FAM171B: variants seen among roughly 807,000 people sequenced by gnomAD.
The protein encoded by FAM171B is protein FAM171B.
A neutral mutation model predicts 75.6 loss-of-function variants in FAM171B; 19 were observed. The ratio of observed to expected loss-of-function variants is 0.25; its 90% CI spans 0.18 to 0.37. The LOEUF (loss-of-function observed/expected upper bound fraction) is 0.37. Among genes scored for constraint, FAM171B ranks in the 10% least tolerant of loss-of-function variants. The probability of loss-of-function intolerance (pLI) is 1.00; values close to 1 mark genes in which losing one functional copy is unlikely to be tolerated. For missense variants in FAM171B, 848 were observed against 982.4 expected (o/e 0.86, Z 1.83); for synonymous variants, 367 against 361.7 (o/e 1.01, Z -0.17).
intron 1 of FAM171B, among the ~76,000 whole-genome samples, chr2:186,696,339 T>C (rs1321066979): frequency 6.6e-6 from 1 of 151,768 alleles, no homozygotes; most frequent in African/African-American, 2.4e-5. Flanking sequence ...ACACAGCTTA[T>C]AGACAAATGA....
At chr2:186,713,171 C>G (rs1689831789) in intron 1 of FAM171B, among the ~76,000 whole-genome samples, 1 of 152,098 alleles carries the variant, frequency 6.6e-6, no homozygotes, top group Non-Finnish European at 1.5e-5. Context: ...GGGTGGTGGT[C>G]TGAGGGGTGG....
intron 1 of FAM171B, among the ~76,000 whole-genome samples, chr2:186,696,544 G>A (rs1333181598): frequency 7.1e-6 from 1 of 140,370 alleles, no homozygotes; most frequent in Non-Finnish European, 1.5e-5. Flanking sequence ...TGCCCAGATC[G>A]TGAAAATGGC....
At chr2:186,751,458 A>G (rs1013688833) in intron 5 of FAM171B, among the ~76,000 whole-genome samples, 154 bp downstream of exon 5, 3 of 152,208 alleles carry the variant, frequency 2.0e-5, no homozygotes, top group Non-Finnish European at 4.4e-5. Flanking sequence ...TTTGATTAAT[A>G]TAATACAACC....
At position 186,694,272 on chromosome 2, in the gene FAM171B, A is replaced by G; in HGVS notation, c.99A>G (p.Glu33=). The G allele has an allele frequency of 2.5e-6, 4 of 1,611,980 alleles. No homozygotes were observed. The South Asian group carries it at 4.4e-5, about 18-fold the overall frequency. ...TGGTCCCCGCGGCCGCCAGAGCGGA[A>G]CTCAGCCGCTCCGACCTCAGCCTCA... ...ARLVPAAARA[E]LSRSDLSLIQ... is the part of the protein sequence containing the mutation. The change falls in exon 1 of 8, where the codon GAA becomes GAG. Residue 33 remains glutamate (E), a synonymous_variant. Transcript: ENST00000304698.
rs1418540293 is a variant in FAM171B at position 186,730,744 on chromosome 2, T to G, written c.239-9484T>G. On this transcript the variant is annotated intron_variant, in intron 1 of 7. Transcript: ENST00000304698. ...AACGTTTTAGAAAACATTTTATAAA[T>G]CAAATCCAGCTTCAGAATGTCAGGA... 1.5e-4 allele frequency among the ~76,000 whole-genome samples: 23 copies of G among 152,226 alleles called. 1 individual carries two copies. The highest frequency in any genetic ancestry group is 1.4e-3 in the Admixed American group (22 of 15,288).
chr2:186,703,977 GT>G (rs1195568292), intron 1 of FAM171B, among the ~76,000 whole-genome samples: 2 of 152,042 alleles, frequency 1.3e-5, no homozygotes, highest in Non-Finnish European at 2.9e-5. Context: ...AATGATAAGG[GT>G]GTGTCATGCA....
chr2:186,694,098 C>T lies in FAM171B; in HGVS notation c.-76C>T, dbSNP rs963917214. On this transcript the variant is annotated 5_prime_UTR_variant, in exon 1 of 8. Transcript: ENST00000304698. The stretch of plus-strand genomic sequence containing the variant: ...GGGGGAGCGAGCGAGCGGGCGCTGC[C>T]AGGAGCCCGCAGCCCTGGCGCCCGC... 187 of 1,391,412 alleles carry T rather than the reference C, an allele frequency of 1.3e-4. 1 individual carries two copies. Among genetic ancestry groups the T allele is most frequent in the Admixed American group, 1.0e-4 (3 of 28,594 alleles). 86.2% of individuals were successfully genotyped at this position (1,391,412 alleles called of 1,614,324 possible).
chr2:186,748,992 G>C (rs779478854), intron 4 of FAM171B, among the ~76,000 whole-genome samples: 6 of 152,064 alleles, frequency 3.9e-5, no homozygotes, highest in Non-Finnish European at 8.8e-5. Context: ...TCTATTACCT[G>C]CTTTTGAGAG....
intron 7 of FAM171B, 41 bp downstream of exon 7, chr2:186,761,277 G>A (rs765215143): frequency 2.5e-6 from 4 of 1,605,472 alleles, no homozygotes; most frequent in Non-Finnish European, 3.4e-6. Flanking sequence ...ATCAAGTTAT[G>A]GTATCATTTC....
chr2:186,712,105 A>AAT (rs531171182), intron 1 of FAM171B, among the ~76,000 whole-genome samples: 1 of 152,128 alleles, frequency 6.6e-6, no homozygotes, highest in Non-Finnish European at 1.5e-5. Context: ...ATATGTTATG[A>AAT]ATATATATAT....
At chr2:186,725,824 A>C (rs1388018357) in intron 1 of FAM171B, among the ~76,000 whole-genome samples, 1 of 152,230 alleles carries the variant, frequency 6.6e-6, no homozygotes, top group Non-Finnish European at 1.5e-5. Flanking sequence ...TTGTGATTCT[A>C]AGGAAGGATG....
At chr2:186,743,696 G>A (rs1690326292) in intron 3 of FAM171B, 121 bp downstream of exon 3, 1 of 674,316 alleles carries the variant, frequency 1.5e-6, no homozygotes, top group Admixed American at 2.7e-5. Context: ...AGTATGATTA[G>A]CACTGACTAT....
chr2:186,707,753 A>G (rs931330176), intron 1 of FAM171B, among the ~76,000 whole-genome samples: 5 of 151,890 alleles, frequency 3.3e-5, no homozygotes, highest in African/African-American at 1.2e-4. Context: ...ACCCACATCC[A>G]ACACAGGCAG....
At chr2:186,750,481 C>T (rs991103056) in intron 4 of FAM171B, among the ~76,000 whole-genome samples, 1 of 152,102 alleles carries the variant, frequency 6.6e-6, no homozygotes, top group African/African-American at 2.4e-5. Flanking sequence ...AGTTTATATT[C>T]TTTCAGTTGT....
intron 1 of FAM171B, among the ~76,000 whole-genome samples, chr2:186,706,902 AATC>A (rs1689740127): frequency 6.6e-6 from 1 of 152,028 alleles, no homozygotes; most frequent in African/African-American, 2.4e-5. Context: ...TTAATATTAT[AATC>A]ATAACATTTG....
rs558594012 is a variant in FAM171B at position 186,764,186 on chromosome 2, A to C, written c.*1363A>C. The C allele has an allele frequency of 5.3e-5, 8 of 152,136 alleles. No homozygotes were observed. The highest frequency in any genetic ancestry group is 1.9e-4 in the African/African-American group (8 of 41,548). The allele number at this position is 152,136 out of a possible 1,614,324, so 9.4% of individuals were successfully genotyped here. The stretch of plus-strand genomic sequence containing the variant: ...AGCACCTTTCCCTTGTGGGGGTAAA[A>C]ATCCTAAATTGCTTTATTTTTCATT... On this transcript the variant is annotated 3_prime_UTR_variant, in exon 8 of 8. Transcript: ENST00000304698.
At chr2:186,733,791 A>G (rs1052719470) in intron 1 of FAM171B, among the ~76,000 whole-genome samples, 38 of 152,306 alleles carry the variant, frequency 2.5e-4, no homozygotes, top group Middle Eastern at 6.8e-3. Context: ...GTGTACCTCA[A>G]GTGGCTTCCG....
At chr2:186,698,789 T>C (rs934148917) in intron 1 of FAM171B, among the ~76,000 whole-genome samples, 2 of 152,148 alleles carry the variant, frequency 1.3e-5, no homozygotes, top group African/African-American at 4.8e-5. Flanking sequence ...CCACTCCCAA[T>C]ACCCTTCCCA....
At chr2:186,729,012 T>C (rs1176682014) in intron 1 of FAM171B, among the ~76,000 whole-genome samples, 2 of 152,220 alleles carry the variant, frequency 1.3e-5, no homozygotes, top group African/African-American at 2.4e-5. Flanking sequence ...AGTATTGGTT[T>C]TAATATTTTT....
Sources: allele counts gnomAD v4.1 joint callset (sites outside exome capture counted in the v4.1 genomes callset), GRCh38; gene constraint gnomAD v4.1.1; transcripts MANE v1.5; gene names NCBI Gene and HGNC (gene_info 2026-07-23, HGNC 2026-07-21).